The following FRMPD4 variants were observed in gnomAD, a reference collection of about 807,000 sequenced individuals.
FRMPD4 encodes the protein FERM and PDZ domain-containing protein 4.
A neutral mutation model predicts 94.1 loss-of-function variants in FRMPD4; 22 were observed. The observed-to-expected ratio is 0.23, with a 90% confidence interval of 0.17 to 0.33. The LOEUF (loss-of-function observed/expected upper bound fraction) is 0.33, where lower values mean the gene tolerates loss of function less well. Among genes scored for constraint, FRMPD4 ranks in the 10% least tolerant of loss-of-function variants. The pLI, the probability that FRMPD4 is intolerant of heterozygous loss-of-function variation, is 1.00. For missense variants in FRMPD4, 1,111 were observed against 1,339.9 expected (o/e 0.83, Z 2.67); for synonymous variants, 631 against 548.6 (o/e 1.15, Z -2.10).
chrX:12,576,606 T>C (rs948600559), intron 2 of FRMPD4, among the ~76,000 whole-genome samples: 2 of 112,725 alleles, frequency 1.8e-5, no homozygotes, highest in Non-Finnish European at 3.7e-5. Flanking sequence ...AAATCTTTTC[T>C]CAGGGTTGCA....
chrX:12,626,013 G>A (rs192810714), intron 4 of FRMPD4, among the ~76,000 whole-genome samples: 33 of 111,676 alleles, frequency 3.0e-4, no homozygotes, highest in African/African-American at 8.8e-4. Context: ...TACAGGGAGC[G>A]TATGGATTTC....
intron 1 of FRMPD4, among the ~76,000 whole-genome samples, chrX:11,848,824 A>G (rs2053601693): frequency 9.0e-6 from 1 of 111,499 alleles, no homozygotes; most frequent in African/African-American, 3.3e-5. Context: ...AACTGACTAT[A>G]TTCAATATGT....
intron 2 of FRMPD4, among the ~76,000 whole-genome samples, chrX:12,576,582 C>G (rs1001341402): frequency 1.2e-4 from 13 of 112,734 alleles, no homozygotes; most frequent in Admixed American, 1.1e-3. Flanking sequence ...TGTGAGAATT[C>G]AAGCAAGGAA....
intron 1 of FRMPD4, among the ~76,000 whole-genome samples, chrX:12,440,093 T>C (rs1403673280): frequency 1.8e-5 from 2 of 111,515 alleles, no homozygotes; most frequent in Admixed American, 9.5e-5. Flanking sequence ...GCTTTGAGGG[T>C]CTGATATATA....
intron 1 of FRMPD4, among the ~76,000 whole-genome samples, chrX:12,144,844 T>C (rs969704789): frequency 3.7e-5 from 4 of 108,285 alleles, no homozygotes; most frequent in Non-Finnish European, 7.6e-5. Context: ...TTCCAAGGAG[T>C]CTCTGTTTTA....
chrX:11,870,285 C>T (rs2053748771), intron 2 of FRMPD4, among the ~76,000 whole-genome samples: 1 of 111,811 alleles, frequency 8.9e-6, no homozygotes, highest in African/African-American at 3.3e-5. Context: ...TTTTTACCCA[C>T]CCCTCACGTT....
chrX:12,333,405 T>C (rs1254616852), intron 1 of FRMPD4, among the ~76,000 whole-genome samples: 1 of 111,609 alleles, frequency 9.0e-6, no homozygotes, highest in Non-Finnish European at 1.9e-5. Context: ...GCAACTGATA[T>C]TGGCCTAAGT....
chrX:12,629,538 T>C (rs1390820399), intron 4 of FRMPD4, among the ~76,000 whole-genome samples: 1 of 112,554 alleles, frequency 8.9e-6, no homozygotes, highest in East Asian at 2.8e-4. Context: ...ACCTATCTTA[T>C]ACAATTGTTG....
intron 3 of FRMPD4, among the ~76,000 whole-genome samples, chrX:11,883,715 G>T (rs758100745): frequency 8.9e-6 from 1 of 112,104 alleles, no homozygotes; most frequent in East Asian, 2.8e-4. Context: ...CAGTACGTAT[G>T]CACAGGCAGA....
At chrX:12,119,134 G>T (rs1437966521) in intron 3 of FRMPD4, among the ~76,000 whole-genome samples, 2 of 111,229 alleles carry the variant, frequency 1.8e-5, no homozygotes, top group Non-Finnish European at 3.8e-5. Flanking sequence ...CAGGATTGGG[G>T]TCACATATTA....
At chrX:12,684,864 A>G (rs983690102) in intron 6 of FRMPD4, among the ~76,000 whole-genome samples, 1 of 112,225 alleles carries the variant, frequency 8.9e-6, no homozygotes, top group African/African-American at 3.2e-5. Context: ...CTGATGTGTA[A>G]GGACACCTCT....
intron 3 of FRMPD4, among the ~76,000 whole-genome samples, chrX:12,059,569 G>A (rs1332169811): frequency 9.1e-6 from 1 of 110,388 alleles, no homozygotes; most frequent in Non-Finnish European, 1.9e-5. Context: ...CTGTCACCCA[G>A]GTACTGAGCA....
chrX:12,189,423 G>A lies in FRMPD4; in HGVS notation c.41+50411G>A, dbSNP rs549747853. ...AGGAATACTTAACTCATCTTATGAG[G>A]CCGGCAGTACTCTAATACCAAAAGC... On this transcript the variant is annotated intron_variant, in intron 1 of 16. Transcript: ENST00000675598. Among the ~76,000 whole-genome samples, 44 of 110,924 alleles carry A rather than the reference G, an allele frequency of 4.0e-4. No homozygotes were observed. The South Asian group carries it at 0.017, about 42-fold the overall frequency.
At chrX:11,902,434 T>G (rs2053943539) in intron 3 of FRMPD4, among the ~76,000 whole-genome samples, 2 of 111,717 alleles carry the variant, frequency 1.8e-5, no homozygotes, top group African/African-American at 6.5e-5. Context: ...AGAGAGCAAG[T>G]GAGTGAGAAC....
chrX:11,965,254 A>G (rs2054304186), intron 3 of FRMPD4, among the ~76,000 whole-genome samples: 1 of 112,198 alleles, frequency 8.9e-6, no homozygotes, highest in Non-Finnish European at 1.9e-5. Context: ...TAGGCTTCCA[A>G]GAGGACAGGT....
chrX:12,040,553 C>CTTTTT (rs760980082), intron 3 of FRMPD4, among the ~76,000 whole-genome samples: 3 of 58,891 alleles, frequency 5.1e-5, no homozygotes, highest in African/African-American at 7.3e-5. Context: ...TTATGTCTGC[C>CTTTTT]TTTTTTTTTT....
Position 12,715,540 on chromosome X carries a change from T to A in FRMPD4, c.1610-529T>A, listed in dbSNP as rs183085135. Among the ~76,000 whole-genome samples the A allele has an allele frequency of 4.9e-3, 544 of 111,987 alleles. 4 individuals carry two copies. The highest frequency in any genetic ancestry group is 0.016 in the African/African-American group (504 of 30,828). ...ACTATCATTACAACATTTATCTTAATTTCCTAAAAACTATGGTAAAACTCT... is the reference window on the plus strand; with the variant it reads ...ACTATCATTACAACATTTATCTTAAATTCCTAAAAACTATGGTAAAACTCT... On this transcript the variant is annotated intron_variant, in intron 14 of 16. Coordinates refer to ENST00000675598, the MANE Select transcript of FRMPD4 (RefSeq NM_001368397.1).
chrX:12,302,969 T>C (rs1412482847), intron 1 of FRMPD4, among the ~76,000 whole-genome samples: 1 of 111,729 alleles, frequency 9.0e-6, no homozygotes, highest in Admixed American at 9.5e-5. Flanking sequence ...AAGATGGTCA[T>C]TGCCAGTGAT....
Position 12,041,127 on chromosome X carries a change from A to C in FRMPD4, c.95+163109A>C, listed in dbSNP as rs1046856185. The stretch of plus-strand genomic sequence containing the variant: ...CCTTTTGTGTTACTATTGTCTTATA[A>C]ATTACATATGTGTTATAAACTTAGC... On this transcript the variant is annotated intron_variant, in intron 3 of 18. Transcript: ENST00000640291. 5.4e-5 allele frequency among the ~76,000 whole-genome samples: 6 copies of C among 112,029 alleles called. No homozygotes were observed. In the Admixed American group the frequency reaches 5.7e-4, roughly 11 times the overall value.
Sources: allele counts gnomAD v4.1 joint callset (sites outside exome capture counted in the v4.1 genomes callset), GRCh38; gene constraint gnomAD v4.1.1; transcripts MANE v1.5; gene names NCBI Gene and HGNC (gene_info 2026-07-23, HGNC 2026-07-21).